Variants in TSHZ2 observed in about 807,000 individuals in gnomAD.
TSHZ2 encodes teashirt homolog 2.
A neutral mutation model predicts 74.4 loss-of-function variants in TSHZ2; 21 were observed. The observed-to-expected ratio is 0.28, with a 90% CI of 0.20 to 0.41. The LOEUF is 0.41. Among genes scored for constraint, TSHZ2 ranks in the 10% least tolerant of loss-of-function variants. The pLI is 1.00. For missense variants in TSHZ2, 1,244 were observed against 1,293.5 expected (o/e 0.96, Z 0.59); for synonymous variants, 540 against 515.3 (o/e 1.05, Z -0.65).
In TSHZ2 at chr20:53,254,930, C is replaced by T. The variant is rs771906222; in HGVS notation, c.1472C>T (p.Pro491Leu). The T allele has an allele frequency of 8.1e-6, 13 of 1,613,814 alleles. No homozygotes were observed. The highest frequency in any genetic ancestry group is 1.7e-6 in the Non-Finnish European group (2 of 1,179,976). ...GACTATGAAGATCCTCTACAAAAAC[C>T]TTTAGACCCTACAATCAAATATCAA... ...SEDYEDPLQK[P>L]LDPTIKYQYL... The change falls in exon 2 of 3, where the codon CCT (proline) becomes CTT (leucine). Residue 491 changes from proline to leucine, a missense_variant. Physicochemically the swap from Pro to Leu is moderately conservative, Grantham distance 98 (BLOSUM62 -3). Coordinates refer to ENST00000371497, the MANE Select transcript of TSHZ2 (RefSeq NM_173485.6).
intron 2 of TSHZ2, among the ~76,000 whole-genome samples, chr20:53,313,476 G>C (rs996450072): frequency 6.6e-6 from 1 of 152,202 alleles, no homozygotes; most frequent in African/African-American, 2.4e-5. Flanking sequence ...AGCATAAAAG[G>C]AGTTGTTTGA....
chr20:53,411,571 G>A (rs1320590625), intron 2 of TSHZ2, among the ~76,000 whole-genome samples: 1 of 152,208 alleles, frequency 6.6e-6, no homozygotes, highest in African/African-American at 2.4e-5. Context: ...GCTCACATCT[G>A]TAATCCCAGC....
At chr20:53,359,744 A>G (rs1021071580) in intron 2 of TSHZ2, among the ~76,000 whole-genome samples, 1 of 152,208 alleles carries the variant, frequency 6.6e-6, no homozygotes, top group Non-Finnish European at 1.5e-5. Context: ...AGATGGCTAG[A>G]CAAAAGAGGG....
intron 1 of TSHZ2, among the ~76,000 whole-genome samples, chr20:53,218,446 A>C (rs145640618): frequency 7.7e-4 from 117 of 152,386 alleles, no homozygotes; most frequent in African/African-American, 2.7e-3. Context: ...ATAATAATGT[A>C]CACAGCATTG....
At chr20:53,050,130 T>TATATATATATATAAATATAC in intron 1 of TSHZ2, among the ~76,000 whole-genome samples, 1 of 88,320 alleles carries the variant, frequency 1.1e-5, no homozygotes, top group Non-Finnish European at 1.9e-5. Flanking sequence ...TATATACACA[T>TATATATATATATAAATATAC]ATATATATGT....
intron 2 of TSHZ2, among the ~76,000 whole-genome samples, chr20:53,384,410 G>A (rs1043283410): frequency 1.3e-5 from 2 of 152,122 alleles, no homozygotes; most frequent in African/African-American, 2.4e-5. Context: ...ATTAAGATCC[G>A]AATACAGCAA....
chr20:53,318,846 T>C (rs1979131354), intron 2 of TSHZ2, among the ~76,000 whole-genome samples: 1 of 152,126 alleles, frequency 6.6e-6, no homozygotes, highest in African/African-American at 2.4e-5. Flanking sequence ...GACTGGATAA[T>C]TTATAAAGAA....
chr20:52,997,145 T>G (rs972210401), intron 1 of TSHZ2, among the ~76,000 whole-genome samples: 5 of 152,158 alleles, frequency 3.3e-5, no homozygotes, highest in African/African-American at 4.8e-5. Context: ...CTGGGAGAGA[T>G]GCAGCAAAGG....
chr20:53,195,889 A>G (rs1988851059), intron 1 of TSHZ2, among the ~76,000 whole-genome samples: 1 of 152,182 alleles, frequency 6.6e-6, no homozygotes, highest in Non-Finnish European at 1.5e-5. Context: ...CAGTGTCTGC[A>G]GACCTAACTG....
chr20:53,001,216 G>GTGTGTGTGTGTGTGTATA (rs1555813567), intron 1 of TSHZ2, among the ~76,000 whole-genome samples: 1 of 142,570 alleles, frequency 7.0e-6, no homozygotes, highest in African/African-American at 2.7e-5. Flanking sequence ...GTGTGTGTGT[G>GTGTGTGTGTGTGTGTATA]TGTGTGTGTG....
intron 2 of TSHZ2, among the ~76,000 whole-genome samples, chr20:53,331,970 A>G (rs539058957): frequency 1.8e-4 from 27 of 152,246 alleles, no homozygotes; most frequent in Admixed American, 9.2e-4. Context: ...GTGTGCAGGG[A>G]TGGAGCCAGG....
intron 1 of TSHZ2, among the ~76,000 whole-genome samples, chr20:53,175,079 A>G (rs1439423154): frequency 3.0e-5 from 4 of 135,056 alleles, no homozygotes; most frequent in Non-Finnish European, 4.6e-5. Context: ...ATTCCTGACT[A>G]TGTTATAGCT....
At chr20:53,439,576 A>T (rs986103877) in intron 2 of TSHZ2, among the ~76,000 whole-genome samples, 1 of 152,224 alleles carries the variant, frequency 6.6e-6, no homozygotes, top group South Asian at 2.1e-4. Flanking sequence ...GAGTCTCACA[A>T]ATTACATGCT....
intron 2 of TSHZ2, among the ~76,000 whole-genome samples, chr20:53,472,469 G>A (rs1264124859): frequency 6.6e-6 from 1 of 152,166 alleles, no homozygotes; most frequent in Non-Finnish European, 1.5e-5. Context: ...TAAGGATTGG[G>A]GGTGCAAGCA....
At chr20:53,142,822 TG>T (rs1469320634) in intron 1 of TSHZ2, among the ~76,000 whole-genome samples, 2 of 127,852 alleles carry the variant, frequency 1.6e-5, no homozygotes, top group African/African-American at 5.8e-5. Context: ...AGTATTAAGA[TG>T]AAAAAAAAAA....
At chr20:53,091,449 C>T (rs1456130950) in intron 1 of TSHZ2, among the ~76,000 whole-genome samples, 1 of 152,172 alleles carries the variant, frequency 6.6e-6, no homozygotes, top group Non-Finnish European at 1.5e-5. Context: ...ATTCAAGTTG[C>T]TTTGCTGAAA....
At chr20:53,059,123 C>T (rs140964185) in intron 1 of TSHZ2, among the ~76,000 whole-genome samples, 1 of 142,156 alleles carries the variant, frequency 7.0e-6, no homozygotes, top group Non-Finnish European at 1.5e-5. Context: ...TAAAATGAGT[C>T]CATGGATAAC....
chr20:53,053,576 T>A (rs1473502645), intron 1 of TSHZ2, among the ~76,000 whole-genome samples: 1 of 55,850 alleles, frequency 1.8e-5, no homozygotes, highest in East Asian at 1.4e-3. Context: ...TATGTATATG[T>A]GTGTGTATAT....
chr20:53,241,935 T>C (rs1037098736), intron 1 of TSHZ2, among the ~76,000 whole-genome samples: 9 of 152,098 alleles, frequency 5.9e-5, no homozygotes, highest in African/African-American at 2.2e-4. Flanking sequence ...CACTTTCTCC[T>C]CTATTAGGCT....
Sources: gnomAD v4.1 joint callset for allele counts (sites outside exome capture counted in the v4.1 genomes callset) on GRCh38, gnomAD v4.1.1 for gene constraint, MANE v1.5 for transcripts, NCBI Gene and HGNC (gene_info 2026-07-23, HGNC 2026-07-21) for gene names.